The following TP63 variants were observed in gnomAD, a reference collection of about 807,000 sequenced individuals.
TP63 encodes the protein tumor protein 63.
In TP63, 17 loss-of-function variants were observed where a neutral mutation model predicts 82.8. That is an observed-to-expected ratio of 0.21 (90% CI 0.14 to 0.31). The LOEUF (loss-of-function observed/expected upper bound fraction) is 0.31. Among genes scored for constraint, TP63 ranks in the 10% least tolerant of loss-of-function variants. TP63 has a pLI of 1.00. For synonymous variants in TP63, 330 were observed against 321.7 expected, an observed-to-expected ratio of 1.03 and a Z score of -0.28; for missense variants, 648 against 895.3, an observed-to-expected ratio of 0.72 and a Z score of 3.52.
intron 11 of TP63, among the ~76,000 whole-genome samples, chr3:189,888,871 A>C (rs1174813401): frequency 6.6e-6 from 1 of 152,204 alleles, no homozygotes. Flanking sequence ...TCACTCTTTC[A>C]TTCACAGATT....
intron 10 of TP63, among the ~76,000 whole-genome samples, chr3:189,876,178 G>T (rs1190753749): frequency 1.3e-5 from 2 of 152,112 alleles, no homozygotes; most frequent in African/African-American, 4.8e-5. Flanking sequence ...ATGAGAAAAA[G>T]AATAGTTTCA....
chr3:189,631,564 C>T lies in TP63; in HGVS notation c.49C>T (p.Pro17Ser), dbSNP rs200000559. Residue 17 changes from proline (P) to serine (S), a missense_variant, in exon 1 of 14, where the codon CCT (proline) becomes TCT (serine). Transcript: ENST00000264731. ...RCATLQYCPD[P>S]YIQRFVETPA... Reference sequence around the variant, plus strand: ...TGCCACCCTACAGTACTGCCCTGACCCTTACATCCAGCGGTGAGTTTGAAT... The same window carrying T: ...TGCCACCCTACAGTACTGCCCTGACTCTTACATCCAGCGGTGAGTTTGAAT... 6.2e-7 allele frequency: 1 copy of T among 1,612,848 alleles called. No individual in the cohort carries two copies. Among genetic ancestry groups the T allele is most frequent in the Admixed American group, 1.7e-5 (1 of 59,948 alleles).
chr3:189,678,714 G>GAGC (rs1026587724), intron 1 of TP63, among the ~76,000 whole-genome samples: 8 of 152,048 alleles, frequency 5.3e-5, no homozygotes, highest in Admixed American at 3.9e-4. Flanking sequence ...TCTAATCCAT[G>GAGC]AGCATGTGAC....
At chr3:189,663,906 GTAA>G (rs1374473026) in intron 1 of TP63, among the ~76,000 whole-genome samples, 1 of 152,036 alleles carries the variant, frequency 6.6e-6, no homozygotes, top group East Asian at 1.9e-4. Context: ...TAATAATGTT[GTAA>G]TATATGTTAA....
chr3:189,643,920 TACTGACCTTTATGACAATAC>T, intron 1 of TP63, among the ~76,000 whole-genome samples: 3 of 152,356 alleles, frequency 2.0e-5, no homozygotes, highest in Middle Eastern at 3.4e-3. Flanking sequence ...CAAAGTGATT[TACTGACCTTTATGACAATAC>T]ACTGATCTTC....
chr3:189,753,519 CTTTTAACCTACTTTTATCAT>C (rs1000596287), intron 3 of TP63, among the ~76,000 whole-genome samples: 2 of 151,822 alleles, frequency 1.3e-5, no homozygotes, highest in South Asian at 2.1e-4. Context: ...TCTCCTTTTA[CTTTTAACCTACTTTTATCAT>C]TTTTAACCTA....
chr3:189,808,253 T>C lies in TP63; in HGVS notation c.325-19T>C. 4 of 1,614,150 alleles carry C rather than the reference T, an allele frequency of 2.5e-6. No individual in the cohort carries two copies. The highest frequency in any genetic ancestry group is 3.4e-6 in the Non-Finnish European group (4 of 1,180,022). The stretch of plus-strand genomic sequence containing the variant: ...GTGGCTTCAGCGGCTAATATTGGGG[T>C]TTCTGGGTGTCCTTGCAGCCACAGT... On this transcript the variant is annotated intron_variant, in intron 3 of 13. Coordinates refer to ENST00000264731, the MANE Select transcript of TP63 (RefSeq NM_003722.5).
At chr3:189,720,789 A>G (rs1719331800) in intron 1 of TP63, among the ~76,000 whole-genome samples, 1 of 151,646 alleles carries the variant, frequency 6.6e-6, no homozygotes, top group Non-Finnish European at 1.5e-5. Context: ...GGGAGCAGAT[A>G]GGGAGATAGG....
At chr3:189,660,889 AC>A (rs1713820915) in intron 1 of TP63, among the ~76,000 whole-genome samples, 1 of 151,778 alleles carries the variant, frequency 6.6e-6, no homozygotes, top group Non-Finnish European at 1.5e-5. Flanking sequence ...TAGAAATGCT[AC>A]TGATAGCATT....
chr3:189,683,151 C>A (rs1358918663), intron 1 of TP63, among the ~76,000 whole-genome samples: 1 of 152,016 alleles, frequency 6.6e-6, no homozygotes, highest in Non-Finnish European at 1.5e-5. Flanking sequence ...GGCTCAAACT[C>A]TTAATAATTA....
chr3:189,651,033 G>T (rs1466974705), intron 1 of TP63, among the ~76,000 whole-genome samples: 1 of 147,312 alleles, frequency 6.8e-6, no homozygotes, highest in African/African-American at 2.5e-5. Flanking sequence ...AGATAGAGAT[G>T]AGGAACTTGT....
At chr3:189,862,857 C>G (rs1717206102) in intron 4 of TP63, among the ~76,000 whole-genome samples, 2 of 152,166 alleles carry the variant, frequency 1.3e-5, no homozygotes, top group South Asian at 4.1e-4. Context: ...ATATAAAACC[C>G]TTTTGCTGCG....
intron 4 of TP63, among the ~76,000 whole-genome samples, chr3:189,851,795 A>G (rs1715669878): frequency 6.6e-6 from 1 of 152,050 alleles, no homozygotes; most frequent in Non-Finnish European, 1.5e-5. Context: ...GATGGGTGAA[A>G]GTCCCAAGGC....
intron 4 of TP63, among the ~76,000 whole-genome samples, chr3:189,812,126 A>G (rs1029858125): frequency 6.6e-6 from 1 of 152,110 alleles, no homozygotes; most frequent in Non-Finnish European, 1.5e-5. Flanking sequence ...CCATTTTATC[A>G]CTTGCAATCC....
chr3:189,596,962 C>G, the TP63 span, among the ~76,000 whole-genome samples: 1 of 152,172 alleles, frequency 6.6e-6, no homozygotes, highest in African/African-American at 2.4e-5. Context: ...AACTTCAACA[C>G]TCACTGCGAA....
intron 1 of TP63, among the ~76,000 whole-genome samples, chr3:189,719,404 A>G (rs1719206494): frequency 6.6e-6 from 1 of 152,042 alleles, no homozygotes. Flanking sequence ...TTTCATATCT[A>G]TTCTTTTTGC....
the TP63 span, among the ~76,000 whole-genome samples, chr3:189,610,983 C>G: frequency 6.6e-5 from 10 of 152,154 alleles, no homozygotes; most frequent in African/African-American, 2.4e-4. Context: ...TATTTGCTGT[C>G]ATAATAACAG....
intron 9 of TP63, 61 bp downstream of exon 9, chr3:189,869,467 C>T (rs1718142830): frequency 7.1e-7 from 1 of 1,413,248 alleles, no homozygotes; most frequent in Non-Finnish European, 9.9e-7. Flanking sequence ...TGGGCTTTTA[C>T]AGTATGATCA....
At chr3:189,859,836 G>A (rs539360300) in intron 4 of TP63, among the ~76,000 whole-genome samples, 13 of 152,210 alleles carry the variant, frequency 8.5e-5, no homozygotes, top group East Asian at 1.9e-4. Flanking sequence ...ATGCTGATAC[G>A]TGCAAAAACC....
Sources: allele counts gnomAD v4.1 joint callset (sites outside exome capture counted in the v4.1 genomes callset), GRCh38; gene constraint gnomAD v4.1.1; transcripts MANE v1.5; gene names NCBI Gene and HGNC (gene_info 2026-07-23, HGNC 2026-07-21).